The following LASP1 variants were observed in gnomAD, a reference collection of about 807,000 sequenced individuals.
LASP1 encodes LIM and SH3 protein 1.
Under a neutral mutation model 38.6 loss-of-function variants are expected in LASP1, and 10 were observed. The ratio of observed to expected loss-of-function variants is 0.26; its 90% CI spans 0.16 to 0.44. LASP1 has a LOEUF of 0.44. LASP1 is among the 20% of genes least tolerant of loss of function. The pLI, the probability that LASP1 is intolerant of heterozygous loss-of-function variation, is 1.00. For missense variants in LASP1, 243 were observed against 375.7 expected, an observed-to-expected ratio of 0.65 and a Z score of 2.92; for synonymous variants, 132 against 140.8, an observed-to-expected ratio of 0.94 and a Z score of 0.44.
intron 4 of LASP1, chr17:38,899,248 G>A (rs1349742147): frequency 2.9e-5 from 5 of 174,124 alleles, no homozygotes; most frequent in South Asian, 1.3e-4. Flanking sequence ...TGGGGGATGC[G>A]CACACAGAAC....
chr17:38,894,924 G>A (rs759180092), intron 3 of LASP1, among the ~76,000 whole-genome samples: 3 of 151,958 alleles, frequency 2.0e-5, no homozygotes, highest in Non-Finnish European at 4.4e-5. Flanking sequence ...TTTTAGTAGA[G>A]ACAGGGTTTC....
At chr17:38,887,745 C>T (rs1914183702) in intron 2 of LASP1, among the ~76,000 whole-genome samples, 1 of 152,182 alleles carries the variant, frequency 6.6e-6, no homozygotes, top group South Asian at 2.1e-4. Context: ...AGGGCCAGAG[C>T]CCTGCACTGG....
chr17:38,911,382 A>T (rs905728479), intron 4 of LASP1, among the ~76,000 whole-genome samples: 1 of 152,136 alleles, frequency 6.6e-6, no homozygotes, highest in Non-Finnish European at 1.5e-5. Context: ...CCCTACCACC[A>T]TGTGTCCAGA....
At chr17:38,914,651 G>A (rs1336127839) in intron 5 of LASP1, among the ~76,000 whole-genome samples, 176 bp downstream of exon 5, 2 of 151,094 alleles carry the variant, frequency 1.3e-5, no homozygotes, top group Non-Finnish European at 2.9e-5. Context: ...GGCCAGCTGG[G>A]GTGGGGAGGA....
At chr17:38,872,997 G>A (rs1913654825) in intron 1 of LASP1, among the ~76,000 whole-genome samples, 1 of 152,198 alleles carries the variant, frequency 6.6e-6, no homozygotes, top group Non-Finnish European at 1.5e-5. Context: ...AGCTGGGGGA[G>A]AAACAGGGTG....
rs1283233875 is a variant in LASP1 at position 38,919,656 on chromosome 17, C to T, written c.*878C>T. 3.0e-6 allele frequency: 1 copy of T among 333,394 alleles called. No individual in the cohort carries two copies. Among genetic ancestry groups the T allele is most frequent in the East Asian group, 4.4e-5 (1 of 22,704 alleles). The allele number at this position is 333,394 out of a possible 1,614,324, so 20.7% of individuals were successfully genotyped here. ...CAAGGGTGCCTCAGGACCTTTTGGT[C>T]TTCAGCCTCCCTCAGCCCCCAGGAT... On this transcript the variant is annotated 3_prime_UTR_variant, in exon 7 of 7. Coordinates refer to ENST00000318008, the MANE Select transcript of LASP1 (RefSeq NM_006148.4).
chr17:38,891,403 C>T (rs1347612837), intron 3 of LASP1, among the ~76,000 whole-genome samples: 1 of 152,100 alleles, frequency 6.6e-6, no homozygotes, highest in East Asian at 1.9e-4. Flanking sequence ...CTGCCCGGGT[C>T]CATCAGGGAG....
In LASP1 at chr17:38,920,236, C is replaced by G. The variant is rs1915262691; in HGVS notation, c.*1458C>G. ...TATGTTTCCCCATCTCTGTCTGGGGCTACAGAATAGGGTGGCAGAAGTGTC... is the reference window on the plus strand; with the variant it reads ...TATGTTTCCCCATCTCTGTCTGGGGGTACAGAATAGGGTGGCAGAAGTGTC... On this transcript the variant is annotated 3_prime_UTR_variant, in exon 7 of 7. Coordinates refer to ENST00000318008, the MANE Select transcript of LASP1 (RefSeq NM_006148.4). 6.4e-6 allele frequency: 3 copies of G among 467,022 alleles called. No individual in the cohort carries two copies. The highest frequency in any genetic ancestry group is 2.7e-5 in the Admixed American group (1 of 36,700). The allele number at this position is 467,022 out of a possible 1,614,324, so 28.9% of individuals were successfully genotyped here.
intron 2 of LASP1, among the ~76,000 whole-genome samples, chr17:38,880,348 T>G (rs1407985975): frequency 2.6e-5 from 4 of 152,242 alleles, no homozygotes; most frequent in Non-Finnish European, 5.9e-5. Context: ...TTTACTGTCT[T>G]CTTGGGAAGC....
chr17:38,919,113 A>G lies in LASP1; in HGVS notation c.*335A>G, dbSNP rs961680150. On this transcript the variant is annotated 3_prime_UTR_variant, in exon 7 of 7. Coordinates refer to ENST00000318008, the MANE Select transcript of LASP1 (RefSeq NM_006148.4). ...TCTCTCCCCTCACATCCTCCTGCCC[A>G]GCTCCTCACATACCCACACATTCCA... 2.6e-6 allele frequency: 1 copy of G among 378,650 alleles called. No individual in the cohort carries two copies. Among genetic ancestry groups the G allele is most frequent in the African/African-American group, 2.0e-5 (1 of 49,434 alleles). 23.5% of individuals were successfully genotyped at this position (378,650 alleles called of 1,614,324 possible). A position where few individuals can be genotyped will look rare whatever the true frequency, so the allele number is the denominator to read the frequency against.
At chr17:38,909,750 C>CATTT (rs1432042194) in intron 4 of LASP1, among the ~76,000 whole-genome samples, 1 of 151,776 alleles carries the variant, frequency 6.6e-6, no homozygotes, top group Non-Finnish European at 1.5e-5. Context: ...TTCATTCATT[C>CATTT]ATTCATTCAT....
chr17:38,894,042 C>T (rs1330198226), intron 3 of LASP1, among the ~76,000 whole-genome samples: 1 of 152,044 alleles, frequency 6.6e-6, no homozygotes, highest in Non-Finnish European at 1.5e-5. Flanking sequence ...TCTGGGACAC[C>T]TGGAGCCTCC....
At chr17:38,896,600 G>C (rs1914498610) in intron 3 of LASP1, among the ~76,000 whole-genome samples, 3 of 152,242 alleles carry the variant, frequency 2.0e-5, no homozygotes, top group South Asian at 4.1e-4. Flanking sequence ...GGGACGGAGT[G>C]GGGGACTGGC....
At chr17:38,885,699 A>G (rs1312923206) in intron 2 of LASP1, among the ~76,000 whole-genome samples, 1 of 152,156 alleles carries the variant, frequency 6.6e-6, no homozygotes, top group Non-Finnish European at 1.5e-5. Context: ...GTTCCAGCGG[A>G]GTCACCAGCT....
intron 4 of LASP1, among the ~76,000 whole-genome samples, chr17:38,912,842 G>A (rs9889509): frequency 0.024 from 3,681 of 152,260 alleles, 150 homozygotes; most frequent in African/African-American, 0.083. Flanking sequence ...CTGAGCTGGC[G>A]CCGAGGCTCT....
At chr17:38,892,907 C>T (rs562783238) in intron 3 of LASP1, among the ~76,000 whole-genome samples, 5 of 152,238 alleles carry the variant, frequency 3.3e-5, no homozygotes, top group South Asian at 2.1e-4. Flanking sequence ...ATGAAAATGG[C>T]GGTCACTCTT....
chr17:38,892,480 G>A (rs1054709884), intron 3 of LASP1, among the ~76,000 whole-genome samples: 7 of 152,240 alleles, frequency 4.6e-5, no homozygotes, highest in Admixed American at 3.9e-4. Context: ...AAGGGCCATG[G>A]GGGCCAGAGG....
chr17:38,906,762 C>A (rs1914786810), intron 4 of LASP1, among the ~76,000 whole-genome samples: 1 of 152,150 alleles, frequency 6.6e-6, no homozygotes, highest in African/African-American at 2.4e-5. Context: ...CATCAGCTAG[C>A]AGAGCTTTGT....
At chr17:38,896,840 A>T (rs1408829388) in intron 3 of LASP1, 1 of 889,250 alleles carries the variant, frequency 1.1e-6, no homozygotes, top group African/African-American at 1.8e-5. Flanking sequence ...TTGTGCCCAG[A>T]CTTGGTGATA....
Sources: gnomAD v4.1 joint callset for allele counts (sites outside exome capture counted in the v4.1 genomes callset) on GRCh38, gnomAD v4.1.1 for gene constraint, MANE v1.5 for transcripts, NCBI Gene and HGNC (gene_info 2026-07-23, HGNC 2026-07-21) for gene names.